Variants in GALNT9 observed in about 807,000 individuals in gnomAD.
The protein encoded by GALNT9 is polypeptide N-acetylgalactosaminyltransferase 9.
Under a neutral mutation model 63.1 loss-of-function variants are expected in GALNT9, and 47 were observed. The ratio of observed to expected loss-of-function variants is 0.75; its 90% CI spans 0.59 to 0.95. GALNT9 has a LOEUF of 0.95. GALNT9 is among the 40% of genes least tolerant of loss of function. The pLI is 0.00. For missense variants in GALNT9, 829 were observed against 874.8 expected, an observed-to-expected ratio of 0.95 and a Z score of 0.66; for synonymous variants, 396 against 365.7, an observed-to-expected ratio of 1.08 and a Z score of -0.94.
chr12:132,313,104 TCCATCCAC>T (rs1239395423), intron 1 of GALNT9, among the ~76,000 whole-genome samples: 3 of 117,268 alleles, frequency 2.6e-5, no homozygotes, highest in African/African-American at 9.8e-5. Flanking sequence ...CACTCACCCA[TCCATCCAC>T]CCATCCACCC....
At chr12:132,258,825 G>A (rs967273217) in intron 4 of GALNT9, among the ~76,000 whole-genome samples, 5 of 152,232 alleles carry the variant, frequency 3.3e-5, no homozygotes, top group African/African-American at 1.2e-4. Flanking sequence ...ACCGCAAGGT[G>A]AGATGGCCGC....
rs1031709106 is a variant in GALNT9, at chr12:132,211,767, C to T, written c.1078-8077G>A. 3.3e-5 allele frequency among the ~76,000 whole-genome samples: 5 copies of T among 152,300 alleles called. No individual in the cohort carries two copies. In the East Asian group the frequency reaches 7.7e-4, roughly 24 times the overall value. On this transcript the variant is annotated intron_variant, in intron 6 of 10. Coordinates refer to ENST00000328957, the MANE Select transcript of GALNT9 (RefSeq NM_001122636.2). Reference sequence around the variant, plus strand: ...ATTTGTGGGAATTAGGAGATGGGCACGGAAGGCTGAGGAGTATGTCCAAGT... The same window carrying T: ...ATTTGTGGGAATTAGGAGATGGGCATGGAAGGCTGAGGAGTATGTCCAAGT...
intron 6 of GALNT9, among the ~76,000 whole-genome samples, chr12:132,231,029 C>T (rs1233542175): frequency 3.5e-5 from 5 of 143,082 alleles, no homozygotes; most frequent in Admixed American, 2.1e-4. Context: ...GCCACACACT[C>T]GATGGGGCGA....
chr12:132,281,431 G>T (rs934029128), intron 2 of GALNT9, among the ~76,000 whole-genome samples: 3 of 152,288 alleles, frequency 2.0e-5, no homozygotes, highest in African/African-American at 7.2e-5. Flanking sequence ...TGTGTCACTG[G>T]TGTCAAAGCC....
intron 6 of GALNT9, among the ~76,000 whole-genome samples, chr12:132,235,263 G>A (rs1877961228): frequency 6.6e-6 from 1 of 152,016 alleles, no homozygotes; most frequent in Non-Finnish European, 1.5e-5. Flanking sequence ...GCAGAGGACA[G>A]TGCTGGAGGA....
chr12:132,203,572 C>T lies in GALNT9; in HGVS notation c.1196G>A (p.Arg399His), dbSNP rs753042056. Residue 399 changes from arginine to histidine, a missense_variant, in exon 7 of 11, where the codon CGC becomes CAC. Coordinates refer to ENST00000328957, the MANE Select transcript of GALNT9 (RefSeq NM_001122636.2). ...IDYYAKRNAL[R>H]AAEVWMDDFK... Reference sequence around the variant, plus strand: ...GTCATCCATCCACACCTCGGCGGCGCGCAGGGCGTTGCGCTTGGCATAGTA... The same window carrying T: ...GTCATCCATCCACACCTCGGCGGCGTGCAGGGCGTTGCGCTTGGCATAGTA... The T allele has an allele frequency of 8.7e-6, 14 of 1,613,850 alleles. No homozygotes were observed. The highest frequency in any genetic ancestry group is 2.2e-5 in the East Asian group (1 of 44,878).
chr12:132,255,928 T>C (rs1351325844), intron 5 of GALNT9, among the ~76,000 whole-genome samples: 1 of 152,094 alleles, frequency 6.6e-6, no homozygotes, highest in Admixed American at 6.5e-5. Context: ...GTTGCGGCTG[T>C]CTGCTGTTTC....
chr12:132,304,166 G>A (rs1326960952), intron 1 of GALNT9, among the ~76,000 whole-genome samples: 1 of 12,884 alleles, frequency 7.8e-5, no homozygotes, highest in Non-Finnish European at 1.3e-4. Context: ...CGCCCTCACC[G>A]GGGCACACCC....
intron 4 of GALNT9, 139 bp downstream of exon 4, chr12:132,260,809 C>T (rs1302136433): frequency 8.0e-6 from 10 of 1,250,436 alleles, no homozygotes; most frequent in Non-Finnish European, 1.1e-5. Flanking sequence ...GCTCTCAGTC[C>T]CAGATCCTGA....
At chr12:132,258,139 A>G (rs781933358) in intron 4 of GALNT9, among the ~76,000 whole-genome samples, 44 of 152,236 alleles carry the variant, frequency 2.9e-4, no homozygotes, top group South Asian at 1.0e-3. Flanking sequence ...GGACGCTGAC[A>G]CCGGCCACGT....
intron 1 of GALNT9, among the ~76,000 whole-genome samples, chr12:132,287,353 A>G (rs1880641375): frequency 6.6e-6 from 1 of 152,066 alleles, no homozygotes; most frequent in African/African-American, 2.4e-5. Context: ...TTAACCCGAA[A>G]ATTGCAACGG....
At chr12:132,287,341 T>C (rs550952879) in intron 1 of GALNT9, among the ~76,000 whole-genome samples, 1 of 152,230 alleles carries the variant, frequency 6.6e-6, no homozygotes, top group Admixed American at 6.5e-5. Context: ...ATGTTAAAAA[T>C]ATTAACCCGA....
chr12:132,272,412 C>T (rs1555240824), intron 2 of GALNT9, among the ~76,000 whole-genome samples: 1 of 152,236 alleles, frequency 6.6e-6, no homozygotes. Context: ...ACCCTACTGC[C>T]GGGCGCTTAA....
intron 2 of GALNT9, among the ~76,000 whole-genome samples, chr12:132,272,241 G>A (rs1158657689): frequency 1.3e-5 from 2 of 152,186 alleles, no homozygotes; most frequent in African/African-American, 2.4e-5. Flanking sequence ...GTCTCACAAC[G>A]ACCCAGGGAA....
intron 6 of GALNT9, among the ~76,000 whole-genome samples, chr12:132,223,001 C>T (rs1395658257): frequency 1.9e-3 from 206 of 108,216 alleles, no homozygotes; most frequent in Middle Eastern, 6.2e-3. Context: ...CCCACATACA[C>T]CCCACACAAC....
chr12:132,223,019 CTA>C (rs1877526165), intron 6 of GALNT9, among the ~76,000 whole-genome samples: 55 of 112,516 alleles, frequency 4.9e-4, no homozygotes, highest in South Asian at 6.5e-4. Flanking sequence ...AACCCACACC[CTA>C]CACAACCCGT....
intron 6 of GALNT9, among the ~76,000 whole-genome samples, chr12:132,239,659 C>G (rs1018558307): frequency 6.7e-6 from 1 of 148,330 alleles, no homozygotes; most frequent in Admixed American, 6.7e-5. Context: ...GAGTCAGAGA[C>G]AGAGAGAGAC....
In GALNT9 at chr12:132,282,457, G is replaced by A. The variant is rs1319188176; in HGVS notation, c.419+3793C>T. 6.6e-6 allele frequency among the ~76,000 whole-genome samples: 1 copy of A among 152,238 alleles called. No homozygotes were observed. The highest frequency in any genetic ancestry group is 1.5e-5 in the Non-Finnish European group (1 of 68,034). On this transcript the variant is annotated intron_variant, in intron 2 of 10. Transcript: ENST00000328957. The surrounding 1 kb of genome is among the most constrained non-coding windows in gnomAD (Gnocchi z 4.5). ...TGCATGCGTGTGTGTGCGTGTGCATGTGTGTGTGCACGCATGTGGTAATTT... is the reference window on the plus strand; with the variant it reads ...TGCATGCGTGTGTGTGCGTGTGCATATGTGTGTGCACGCATGTGGTAATTT...
At chr12:132,229,311 G>C (rs1877811967) in intron 6 of GALNT9, among the ~76,000 whole-genome samples, 1 of 152,330 alleles carries the variant, frequency 6.6e-6, no homozygotes, top group South Asian at 2.1e-4. Flanking sequence ...AGCCCCACGA[G>C]GCGCACGCTT....
Sources: gnomAD v4.1 joint callset for allele counts (sites outside exome capture counted in the v4.1 genomes callset) on GRCh38, gnomAD v4.1.1 for gene constraint, Gnocchi (gnomAD v3.1) non-coding constraint, MANE v1.5 for transcripts, NCBI Gene and HGNC (gene_info 2026-07-23, HGNC 2026-07-21) for gene names.